Variants in LBR observed in about 807,000 individuals in gnomAD.
LBR encodes lamin B receptor, also known as delta(14)-sterol reductase LBR.
LBR carries 28 observed loss-of-function variants against 74.3 expected under a neutral mutation model. The ratio of observed to expected loss-of-function variants is 0.38; its 90% confidence interval spans 0.28 to 0.52. LBR has a LOEUF of 0.52. Among genes scored for constraint, LBR ranks in the 20% least tolerant of loss-of-function variants. LBR has a pLI of 0.89. For missense variants in LBR, 717 were observed against 760.3 expected (o/e 0.94, Z 0.67); for synonymous variants, 228 against 269.3 (o/e 0.85, Z 1.50).
Position 225,415,320 on chromosome 1 carries a change from T to C in LBR, c.850A>G (p.Thr284Ala). ...LLPIGKVVEG[T>A]PLIDGRRLKY... is the part of the protein sequence containing the mutation. ...AGTCTTCTTCCATCAATAAGAGGCG[T>C]TCCTTCTACAACCTTAAAAGAAAAA... The change falls in exon 7 of 14, where the codon ACG (threonine) becomes GCG (alanine). Residue 284 changes from threonine to alanine, a missense_variant. By Grantham distance (58) the Thr-to-Ala change is moderately conservative. Transcript: ENST00000272163. The C allele has an allele frequency of 6.3e-7, 1 of 1,594,392 alleles. No individual in the cohort carries two copies. Among genetic ancestry groups the C allele is most frequent in the Non-Finnish European group, 8.6e-7 (1 of 1,164,742 alleles).
intron 1 of LBR, among the ~76,000 whole-genome samples, chr1:225,425,400 T>G (rs565719576): frequency 6.6e-6 from 1 of 152,206 alleles, no homozygotes; most frequent in Non-Finnish European, 1.5e-5. Context: ...ATTAACACAT[T>G]AGGTAAGAGA....
rs2096122834 is a variant in LBR at position 225,419,132 on chromosome 1, C to G, written c.640+131G>C. The G allele has an allele frequency of 8.3e-6, 7 of 846,424 alleles. No individual in the cohort carries two copies. In the South Asian group the frequency reaches 9.8e-5, roughly 12 times the overall value. The allele number at this position is 846,424 out of a possible 1,614,324, so 52.4% of individuals were successfully genotyped here. A position where few individuals can be genotyped will look rare whatever the true frequency, so the allele number is the denominator to read the frequency against. Reference sequence around the variant, plus strand: ...ACTGTTCCTTCTCTGGAAGGCTCTTCCACAGGTTCCCACCAGGCTCATTAC... The same window carrying G: ...ACTGTTCCTTCTCTGGAAGGCTCTTGCACAGGTTCCCACCAGGCTCATTAC... On this transcript the variant is annotated intron_variant, in intron 5 of 13. Transcript: ENST00000272163.
rs914049774 is a variant in LBR at position 225,402,288 on chromosome 1, A to G, written c.*1015T>C. On this transcript the variant is annotated 3_prime_UTR_variant, in exon 14 of 14. Transcript: ENST00000272163. ...CTGATGAACTTTTAAAAAGTCAAAA[A>G]TATATAAAAATATTAGCCTGAAATG... is the stretch of plus-strand genomic sequence containing the variant. 1.3e-5 allele frequency: 2 copies of G among 152,210 alleles called. No individual in the cohort carries two copies. Among genetic ancestry groups the G allele is most frequent in the African/African-American group, 4.8e-5 (2 of 41,462 alleles). The allele number at this position is 152,210 out of a possible 1,614,324, so 9.4% of individuals were successfully genotyped here.
At chr1:225,405,390 G>A (rs2096089391) in intron 11 of LBR, among the ~76,000 whole-genome samples, 1 of 152,192 alleles carries the variant, frequency 6.6e-6, no homozygotes, top group African/African-American at 2.4e-5. Context: ...TGTTGGAAAC[G>A]TAATCCTCAA....
chr1:225,422,034 T>C (rs774973024), intron 3 of LBR, 43 bp downstream of exon 3: 4 of 1,565,668 alleles, frequency 2.6e-6, no homozygotes, highest in Non-Finnish European at 3.5e-6. Flanking sequence ...AATATATACA[T>C]AAAGCGGAAG....
At chr1:225,412,721 A>G in intron 7 of LBR, 76 bp from the exon 8 acceptor site, 1 of 1,271,270 alleles carries the variant, frequency 7.9e-7, no homozygotes, top group Non-Finnish European at 1.1e-6. Context: ...GCCACTATGA[A>G]ACAATGCAAT....
At position 225,419,404 on chromosome 1, in the gene LBR, T is replaced by C. The variant is rs565648951; in HGVS notation, c.499A>G (p.Ser167Gly). The C allele has an allele frequency of 5.6e-6, 9 of 1,613,666 alleles. No homozygotes were observed. Among genetic ancestry groups the C allele is most frequent in the Admixed American group, 5.0e-5 (3 of 60,030 alleles). ...ACTTCTTCTCTTCTTGGACGAAGGC[T>C]ATACTGTGTTGCTATGTAACTGCTT... is the stretch of plus-strand genomic sequence containing the variant. The part of the protein sequence containing the change: ...QESSYIATQY[S>G]LRPRREEVKL... The change falls in exon 5 of 14, where the codon AGC (serine) becomes GGC (glycine). Residue 167 changes from serine (S) to glycine (G), a missense_variant. By Grantham distance (56) the Ser-to-Gly change is moderately conservative (BLOSUM62 0). Transcript: ENST00000272163.
At chr1:225,419,923 C>T (rs1023383394) in intron 3 of LBR, 125 bp from the exon 4 acceptor site, 29 of 719,114 alleles carry the variant, frequency 4.0e-5, no homozygotes, top group African/African-American at 1.1e-4. Flanking sequence ...TTAATTCTGA[C>T]GAATTTAACC....
chr1:225,425,493 G>A (rs554761342), intron 1 of LBR, among the ~76,000 whole-genome samples: 34 of 152,266 alleles, frequency 2.2e-4, no homozygotes, highest in Non-Finnish European at 4.4e-4. Context: ...GTGGGGAGGA[G>A]CCCACAAGTT....
At chr1:225,409,521 T>C (rs1000848155) in intron 10 of LBR, among the ~76,000 whole-genome samples, 3 of 152,206 alleles carry the variant, frequency 2.0e-5, no homozygotes, top group Non-Finnish European at 2.9e-5. Flanking sequence ...TGTCAGCAGA[T>C]TGTCTCAACA....
In LBR at chr1:225,427,987, C is replaced by G. The variant is rs911967431; in HGVS notation, c.-48G>C. ...GGTTCCGGCGGTGACACGGACGGCT[C>G]CCGGAGAATAGTCGCACAGCAACCC... On this transcript the variant is annotated 5_prime_UTR_variant, in exon 1 of 14. Transcript: ENST00000272163. 2.0e-5 allele frequency: 3 copies of G among 152,166 alleles called. No homozygotes were observed. Among genetic ancestry groups the G allele is most frequent in the African/African-American group, 7.2e-5 (3 of 41,448 alleles). The allele number at this position is 152,166 out of a possible 1,614,324, so 9.4% of individuals were successfully genotyped here.
chr1:225,428,368 C>T (rs934583554), upstream of LBR, among the ~76,000 whole-genome samples: 1 of 152,358 alleles, frequency 6.6e-6, no homozygotes, highest in Non-Finnish European at 1.5e-5. Context: ...AGCCCGCGCG[C>T]TCCCGCCCTT....
At chr1:225,419,690 A>C in intron 4 of LBR, 25 bp downstream of exon 4, 1 of 1,541,758 alleles carries the variant, frequency 6.5e-7, no homozygotes, top group Non-Finnish European at 8.9e-7. Flanking sequence ...AAAAACAACC[A>C]AGATGAAAGG....
chr1:225,412,615 A>G lies in LBR; in HGVS notation c.923T>C (p.Val308Ala). The part of the protein sequence containing the change: ...GFYAFILTSA[V>A]IGTSLFQGVE... ...GCCCTGGAAGAGAGATGTTCCGATGACTGCAGATGTCAGGATAAAAGCATA... is the reference window on the plus strand; with the variant it reads ...GCCCTGGAAGAGAGATGTTCCGATGGCTGCAGATGTCAGGATAAAAGCATA... Residue 308 changes from valine (V) to alanine (A), a missense_variant, in exon 8 of 14, where the codon GTC (valine) becomes GCC (alanine). Val to Ala is a moderately conservative substitution (Grantham distance 64). Coordinates refer to ENST00000272163, the MANE Select transcript of LBR (RefSeq NM_002296.4). The G allele has an allele frequency of 6.2e-7, 1 of 1,612,728 alleles. No homozygotes were observed.
chr1:225,420,079 G>A (rs529690742), intron 3 of LBR, among the ~76,000 whole-genome samples: 3 of 152,230 alleles, frequency 2.0e-5, no homozygotes, highest in Admixed American at 6.5e-5. Flanking sequence ...AGGCCAAGGC[G>A]GGTGGATCAC....
intron 4 of LBR, 38 bp from the exon 5 acceptor site, chr1:225,419,490 AC>A: frequency 7.2e-7 from 1 of 1,395,168 alleles, no homozygotes; most frequent in Non-Finnish European, 1.0e-6. Flanking sequence ...TCTGCAGTGA[AC>A]AATTACCATT....
rs2096115250 is a variant in LBR at position 225,415,414 on chromosome 1, T to C, written c.838-82A>G. On this transcript the variant is annotated intron_variant, in intron 6 of 13. Transcript: ENST00000272163. ...TATACACACACACATATATATATTC[T>C]AGTATCACTTAATTTTCAACACGCC... The C allele has an allele frequency of 1.1e-5, 8 of 713,746 alleles. No individual in the cohort carries two copies. In the South Asian group the frequency reaches 1.3e-4, roughly 12 times the overall value. 44.2% of individuals were successfully genotyped at this position (713,746 alleles called of 1,614,324 possible). A position where few individuals can be genotyped will look rare whatever the true frequency, so the allele number is the denominator to read the frequency against.
In LBR at chr1:225,419,352, T is replaced by G. The variant is rs1408315845; in HGVS notation, c.551A>C (p.Glu184Ala). ...EVKLKEIDSK[E>A]EKYVAKELAV... Reference sequence around the variant, plus strand: ...CAGTTCTTTTGCAACGTATTTTTCTTCCTTAGAATCTATTTCTTTTAATTT... The same window carrying G: ...CAGTTCTTTTGCAACGTATTTTTCTGCCTTAGAATCTATTTCTTTTAATTT... The change falls in exon 5 of 14, where the codon GAA becomes GCA. Residue 184 changes from glutamate to alanine, a missense_variant. Physicochemically the swap from Glu to Ala is moderately radical, Grantham distance 107. Coordinates refer to ENST00000272163, the MANE Select transcript of LBR (RefSeq NM_002296.4). 1 of 1,614,216 alleles carries G rather than the reference T, an allele frequency of 6.2e-7. No homozygotes were observed. Among genetic ancestry groups the G allele is most frequent in the Admixed American group, 1.7e-5 (1 of 60,032 alleles).
Position 225,404,385 on chromosome 1 carries a change from A to T in LBR, c.1687+19T>A, listed in dbSNP as rs767249747. The T allele has an allele frequency of 2.5e-6, 4 of 1,613,434 alleles. No homozygotes were observed. In the East Asian group the frequency reaches 8.9e-5, roughly 36 times the overall value. On this transcript the variant is annotated intron_variant, in intron 13 of 13. Coordinates refer to ENST00000272163, the MANE Select transcript of LBR (RefSeq NM_002296.4). Reference sequence around the variant, plus strand: ...TGGCGGCTAAAAGGGTCAAACTAGCACTCTTCTGAAATGCTTACCACATGG... The same window carrying T: ...TGGCGGCTAAAAGGGTCAAACTAGCTCTCTTCTGAAATGCTTACCACATGG...
Sources: gnomAD v4.1 joint callset for allele counts (sites outside exome capture counted in the v4.1 genomes callset) on GRCh38, gnomAD v4.1.1 for gene constraint, MANE v1.5 for transcripts, NCBI Gene and HGNC (gene_info 2026-07-23, HGNC 2026-07-21) for gene names.